The following MYO10 variants were observed in gnomAD, a reference collection of about 807,000 sequenced individuals.
MYO10 encodes the protein unconventional myosin-X.
In MYO10, 133 loss-of-function variants were observed where a neutral mutation model predicts 257.3. That is an observed-to-expected ratio of 0.52 (90% CI 0.45 to 0.60). The LOEUF (loss-of-function observed/expected upper bound fraction) is 0.60. Among genes scored for constraint, MYO10 ranks in the 20% least tolerant of loss-of-function variants. The pLI, the probability that MYO10 is intolerant of heterozygous loss-of-function variation, is 0.00. For synonymous variants in MYO10, 1,104 were observed against 1,028.6 expected (o/e 1.07, Z -1.40); for missense variants, 2,399 against 2,635.7 (o/e 0.91, Z 1.97).
intron 2 of MYO10, among the ~76,000 whole-genome samples, chr5:16,861,824 A>C (rs764520026): frequency 2.0e-5 from 3 of 152,126 alleles, no homozygotes; most frequent in African/African-American, 4.8e-5. Flanking sequence ...TCTGGATGCA[A>C]ACCCCAATAC....
rs1049956241 is a variant in MYO10 at position 16,701,124 on chromosome 5, A to G, written c.3271T>C (p.Tyr1091His). Reference sequence around the variant, plus strand: ...CCGTCCTCATAGTCATCCTGGTCGTAGTCGTAGTCGCCGTCTGGGGAGGGC... The same window carrying G: ...CCGTCCTCATAGTCATCCTGGTCGTGGTCGTAGTCGCCGTCTGGGGAGGGC... ...DLPSPDGDYD[Y>H]DQDDYEDGAI... is the part of the protein sequence containing the mutation. The change falls in exon 25 of 41, where the codon TAC becomes CAC. Residue 1091 changes from tyrosine to histidine, a missense_variant. By Grantham distance (83) the Tyr-to-His change is moderately conservative (BLOSUM62 2). Around this residue, in one of 3 missense-constraint regions of MYO10, gnomAD observed 1,820 missense variants for 1,939.4 expected, o/e 0.94. Coordinates refer to ENST00000513610, the MANE Select transcript of MYO10 (RefSeq NM_012334.3). The surrounding 1 kb of genome is among the most constrained non-coding windows in gnomAD (Gnocchi z 8.1). The G allele has an allele frequency of 5.0e-6, 8 of 1,595,624 alleles. No homozygotes were observed. The highest frequency in any genetic ancestry group is 2.3e-5 in the East Asian group (1 of 44,018).
chr5:16,863,841 T>TA (rs1744170695), intron 2 of MYO10, among the ~76,000 whole-genome samples: 1 of 152,212 alleles, frequency 6.6e-6, no homozygotes, highest in South Asian at 2.1e-4. Flanking sequence ...CTCATGCCTG[T>TA]AATCCCATTA....
At chr5:16,814,266 C>T (rs1358974802) in intron 3 of MYO10, among the ~76,000 whole-genome samples, 2 of 152,114 alleles carry the variant, frequency 1.3e-5, no homozygotes, top group Admixed American at 6.5e-5. Flanking sequence ...CTCAGCCTCC[C>T]GAGTACCTAG....
intron 1 of MYO10, among the ~76,000 whole-genome samples, chr5:16,933,830 A>G (rs1312134002): frequency 2.0e-5 from 3 of 152,194 alleles, no homozygotes; most frequent in Non-Finnish European, 4.4e-5. Flanking sequence ...TGGAACTTTC[A>G]CGGCTGATTA....
chr5:16,718,372 G>A (rs936648737), intron 19 of MYO10, among the ~76,000 whole-genome samples: 7 of 152,384 alleles, frequency 4.6e-5, no homozygotes, highest in South Asian at 2.1e-4. Context: ...AGCTCCACCT[G>A]CAGCCCTGGT....
intron 2 of MYO10, among the ~76,000 whole-genome samples, chr5:16,865,372 A>G (rs1385561960): frequency 6.6e-6 from 1 of 152,160 alleles, no homozygotes; most frequent in Non-Finnish European, 1.5e-5. Context: ...AGCAGATCTA[A>G]GCTGGGCTAT....
intron 1 of MYO10, among the ~76,000 whole-genome samples, chr5:16,880,334 T>G (rs922578650): frequency 1.3e-5 from 2 of 151,734 alleles, no homozygotes; most frequent in Non-Finnish European, 2.9e-5. Context: ...ATTTCTAAAA[T>G]CACAGTGGCT....
intron 19 of MYO10, among the ~76,000 whole-genome samples, chr5:16,741,175 T>G (rs768894252): frequency 6.6e-6 from 1 of 152,202 alleles, no homozygotes; most frequent in Non-Finnish European, 1.5e-5. Context: ...TGGGGACCTC[T>G]ACTTCGGGGA....
intron 2 of MYO10, among the ~76,000 whole-genome samples, chr5:16,834,271 C>A (rs1743247191): frequency 6.6e-6 from 1 of 152,116 alleles, no homozygotes; most frequent in African/African-American, 2.4e-5. Flanking sequence ...GTTTTCTTAC[C>A]CCTGCCTAGT....
rs756425413 is a variant in MYO10 at position 16,769,191 on chromosome 5, C to G, written c.943G>C (p.Val315Leu). The G allele has an allele frequency of 2.5e-6, 4 of 1,605,646 alleles. No individual in the cohort carries two copies. The highest frequency in any genetic ancestry group is 1.7e-4 in the Middle Eastern group (1 of 6,040). Residue 315 changes from valine (V) to leucine (L), a missense_variant, in exon 10 of 41, where the codon GTG (valine) becomes CTG (leucine). Physicochemically the swap from Val to Leu is conservative, Grantham distance 32. Transcript: ENST00000513610. Reference sequence around the variant, plus strand: ...ACTTCCTCCTTGCTGAACTGCATCACGTCCATTGCCGTCTAGAAGAAAATA... The same window carrying G: ...ACTTCCTCCTTGCTGAACTGCATCAGGTCCATTGCCGTCTAGAAGAAAATA... ...SFREVITAMD[V>L]MQFSKEEVRE...
chr5:16,694,722 C>A (rs1737659672), intron 26 of MYO10, 108 bp from the exon 27 acceptor site: 2 of 1,427,970 alleles, frequency 1.4e-6, no homozygotes, highest in Admixed American at 1.8e-5. Context: ...TAGACTCTGC[C>A]CCAGCCGCAG....
intron 19 of MYO10, among the ~76,000 whole-genome samples, chr5:16,720,404 G>A (rs1739105527): frequency 2.0e-5 from 3 of 151,760 alleles, no homozygotes. Flanking sequence ...AAAATTTAGA[G>A]TTCTACTTTT....
chr5:16,735,067 A>C (rs751608807), intron 19 of MYO10, among the ~76,000 whole-genome samples: 74 of 152,184 alleles, frequency 4.9e-4, no homozygotes, highest in Non-Finnish European at 1.0e-3. Flanking sequence ...ATCAGTGTTA[A>C]AACCTCATTT....
intron 2 of MYO10, among the ~76,000 whole-genome samples, chr5:16,832,076 A>G (rs1743179267): frequency 6.6e-6 from 1 of 152,088 alleles, no homozygotes; most frequent in Non-Finnish European, 1.5e-5. Flanking sequence ...CCAACCAGGT[A>G]GCTGGGACTA....
At chr5:16,831,701 T>C (rs1471132430) in intron 2 of MYO10, among the ~76,000 whole-genome samples, 3 of 152,014 alleles carry the variant, frequency 2.0e-5, no homozygotes, top group African/African-American at 4.8e-5. Context: ...AATGACACAA[T>C]GGACTTTGGG....
chr5:16,679,573 G>A (rs1274482111), intron 33 of MYO10, among the ~76,000 whole-genome samples: 1 of 146,328 alleles, frequency 6.8e-6, no homozygotes, highest in Non-Finnish European at 1.5e-5. Flanking sequence ...CACCTAGGCT[G>A]GGGTGCAGTG....
intron 1 of MYO10, among the ~76,000 whole-genome samples, chr5:16,902,899 G>A (rs1251432391): frequency 3.3e-5 from 5 of 152,228 alleles, no homozygotes; most frequent in Admixed American, 2.6e-4. Flanking sequence ...AGCCCTCGTG[G>A]CTGACAAGGC....
Position 16,685,627 on chromosome 5 carries a change from T to TA in MYO10, c.3990+110dup, listed in dbSNP as rs1461029187. ...CCTTAATTATTCTATATTTACCTTTTAAAAAAAGACTGTCTGGAAATTCCC... is the reference window on the plus strand; with the variant it reads ...CCTTAATTATTCTATATTTACCTTTTAAAAAAAAGACTGTCTGGAAATTCCC... On this transcript the variant is annotated intron_variant, in intron 29 of 40. Coordinates refer to ENST00000513610, the MANE Select transcript of MYO10 (RefSeq NM_012334.3). 3.7e-6 allele frequency: 3 copies of TA among 813,270 alleles called. No homozygotes were observed. The East Asian group carries it at 8.0e-5, about 22-fold the overall frequency. 50.4% of individuals were successfully genotyped at this position (813,270 alleles called of 1,614,324 possible).
Position 16,663,328 on chromosome 5 carries a change from G to GTTTTTTTTTT in MYO10, c.*3354_*3363dup, listed in dbSNP as rs70940395. The GTTTTTTTTTT allele has an allele frequency of 4.4e-4, 34 of 76,878 alleles. 6 individuals carry two copies. The highest frequency in any genetic ancestry group is 8.4e-4 in the African/African-American group (13 of 15,520). 4.8% of individuals were successfully genotyped at this position (76,878 alleles called of 1,614,324 possible). A position where few individuals can be genotyped will look rare whatever the true frequency, so the allele number is the denominator to read the frequency against. ...AAAAAGTAACATTTTACTTCTAGTT[G>GTTTTTTTTTT]TTTTTTTTTTTTTTTTTTTTTTTTT... On this transcript the variant is annotated 3_prime_UTR_variant, in exon 41 of 41. Transcript: ENST00000513610.
Sources: gnomAD v4.1 joint callset for allele counts (sites outside exome capture counted in the v4.1 genomes callset) on GRCh38, gnomAD v4.1.1 for gene constraint, gnomAD v4.1.1 regional missense constraint, Gnocchi (gnomAD v3.1) non-coding constraint, MANE v1.5 for transcripts, NCBI Gene and HGNC (gene_info 2026-07-23, HGNC 2026-07-21) for gene names.